Variants in CALD1 observed in about 807,000 individuals in gnomAD.
CALD1 encodes caldesmon.
In CALD1, 33 loss-of-function variants were observed where a neutral mutation model predicts 99.9. The ratio of observed to expected loss-of-function variants is 0.33; its 90% CI spans 0.25 to 0.44. The LOEUF is 0.44. Among genes scored for constraint, CALD1 ranks in the 20% least tolerant of loss-of-function variants. The probability of loss-of-function intolerance (pLI) is 1.00; values close to 1 mark genes in which losing one functional copy is unlikely to be tolerated. For missense variants in CALD1, 861 were observed against 962.1 expected, an observed-to-expected ratio of 0.89 and a Z score of 1.39; for synonymous variants, 310 against 325.0, an observed-to-expected ratio of 0.95 and a Z score of 0.50.
intron 3 of CALD1, among the ~76,000 whole-genome samples, chr7:134,872,568 A>G (rs1801148506): frequency 1.3e-5 from 2 of 152,156 alleles, no homozygotes; most frequent in African/African-American, 4.8e-5. Flanking sequence ...ACAAAATGCA[A>G]GATACTATAC....
At chr7:134,769,353 C>T (rs917993769) in intron 1 of CALD1, among the ~76,000 whole-genome samples, 6 of 152,140 alleles carry the variant, frequency 3.9e-5, no homozygotes, top group African/African-American at 1.4e-4. Flanking sequence ...AGTGAATGCA[C>T]CAATCTACTT....
chr7:134,933,351 A>G lies in CALD1; in HGVS notation c.582A>G (p.Glu194=). The G allele has an allele frequency of 6.2e-7, 1 of 1,605,334 alleles. No homozygotes were observed. The highest frequency in any genetic ancestry group is 1.1e-5 in the South Asian group (1 of 89,488). ...KKEDKEKEEE[E]EEKPKRGSIG... ...AAGACAAGGAAAAGGAGGAGGAGGA[A>G]GAGGAGAAGCCAAAGCGAGGGAGCA... Residue 194 remains glutamate (E), a synonymous_variant, in exon 5 of 15, where the codon GAA becomes GAG. Coordinates refer to ENST00000361675, the MANE Select transcript of CALD1 (RefSeq NM_033138.4).
At chr7:134,908,242 A>G (rs1803548610) in intron 3 of CALD1, among the ~76,000 whole-genome samples, 1 of 152,220 alleles carries the variant, frequency 6.6e-6, no homozygotes, top group Admixed American at 6.5e-5. Context: ...ATACCATTGG[A>G]TATATTTAAC....
intron 1 of CALD1, among the ~76,000 whole-genome samples, chr7:134,781,848 C>T (rs780928190): frequency 7.9e-5 from 12 of 152,196 alleles, no homozygotes; most frequent in Non-Finnish European, 1.5e-4. Flanking sequence ...GAACCAGGCT[C>T]AAACTGCAGT....
At chr7:134,726,365 T>C in the CALD1 span, among the ~76,000 whole-genome samples, 3 of 147,420 alleles carry the variant, frequency 2.0e-5, no homozygotes, top group African/African-American at 4.9e-5. Context: ...ATTATATGTA[T>C]ATAACTTAAT....
intron 9 of CALD1, among the ~76,000 whole-genome samples, chr7:134,957,560 C>T (rs1011193310): frequency 7.9e-5 from 12 of 152,244 alleles, no homozygotes; most frequent in African/African-American, 2.9e-4. Context: ...GCTGGGGCTA[C>T]AGGCGCGTGT....
intron 1 of CALD1, among the ~76,000 whole-genome samples, chr7:134,818,112 T>C (rs539288690): frequency 1.8e-4 from 28 of 152,194 alleles, no homozygotes; most frequent in Non-Finnish European, 3.2e-4. Flanking sequence ...GTTGCTATTT[T>C]TTTTCTTACA....
At chr7:134,942,859 A>G (rs1164016255) in intron 7 of CALD1, among the ~76,000 whole-genome samples, 1 of 152,234 alleles carries the variant, frequency 6.6e-6, no homozygotes, top group Non-Finnish European at 1.5e-5. Flanking sequence ...ACAAGCTTCA[A>G]AGCTCAAATT....
chr7:134,758,204 A>C (rs1417404312), intron 1 of CALD1, among the ~76,000 whole-genome samples: 1 of 152,254 alleles, frequency 6.6e-6, no homozygotes, highest in African/African-American at 2.4e-5. Flanking sequence ...GATGATGCAA[A>C]GCTAAAGTCA....
At chr7:134,955,866 C>T (rs1807723350) in intron 9 of CALD1, among the ~76,000 whole-genome samples, 2 of 152,132 alleles carry the variant, frequency 1.3e-5, no homozygotes, top group South Asian at 4.2e-4. Flanking sequence ...GTTTGGCTGA[C>T]AGGCTGGCAG....
At chr7:134,957,156 C>G (rs1220781693) in intron 9 of CALD1, among the ~76,000 whole-genome samples, 1 of 152,168 alleles carries the variant, frequency 6.6e-6, no homozygotes, top group Non-Finnish European at 1.5e-5. Context: ...CTCATTCTAC[C>G]TGTATCCCGC....
chr7:134,846,054 T>C (rs1799839622), intron 2 of CALD1, among the ~76,000 whole-genome samples: 1 of 152,228 alleles, frequency 6.6e-6, no homozygotes, highest in African/African-American at 2.4e-5. Flanking sequence ...ACTCCCCTGC[T>C]GCCTGCTCAG....
At chr7:134,844,336 G>A (rs1291900705) in intron 2 of CALD1, 1 of 152,104 alleles carries the variant, frequency 6.6e-6, no homozygotes, top group Non-Finnish European at 1.5e-5. Context: ...AGCCTTCCAA[G>A]GTGAATAAGC....
chr7:134,947,791 T>C, intron 8 of CALD1, 22 bp downstream of exon 8: 2 of 1,601,084 alleles, frequency 1.2e-6, no homozygotes, highest in Non-Finnish European at 1.7e-6. Flanking sequence ...GCTAGCCCAC[T>C]GAGAACGTTG....
chr7:134,712,196 A>T, the CALD1 span, among the ~76,000 whole-genome samples: 1 of 152,336 alleles, frequency 6.6e-6, no homozygotes, highest in South Asian at 2.1e-4. Flanking sequence ...AGCATACTCT[A>T]AAATCAAGCA....
intron 7 of CALD1, among the ~76,000 whole-genome samples, chr7:134,946,318 G>C (rs1389146017): frequency 6.6e-6 from 1 of 151,982 alleles, no homozygotes; most frequent in East Asian, 1.9e-4. Flanking sequence ...CTTAAAAATT[G>C]TGGTAAAAAC....
intron 1 of CALD1, among the ~76,000 whole-genome samples, chr7:134,765,899 G>A (rs987657582): frequency 6.6e-6 from 1 of 152,122 alleles, no homozygotes; most frequent in Non-Finnish European, 1.5e-5. Flanking sequence ...GCTGTCCTCA[G>A]GATAGTGAGT....
At chr7:134,724,178 G>T in the CALD1 span, among the ~76,000 whole-genome samples, 1 of 152,162 alleles carries the variant, frequency 6.6e-6, no homozygotes, top group South Asian at 2.1e-4. Context: ...GGCCAGCTTC[G>T]AGTTCCAGCC....
At chr7:134,882,218 G>A (rs1801638889) in intron 3 of CALD1, among the ~76,000 whole-genome samples, 1 of 152,164 alleles carries the variant, frequency 6.6e-6, no homozygotes, top group South Asian at 2.1e-4. Context: ...CACTCGTTGT[G>A]TCTTCTAAAC....
Sources: gnomAD v4.1 joint callset for allele counts (sites outside exome capture counted in the v4.1 genomes callset) on GRCh38, gnomAD v4.1.1 for gene constraint, MANE v1.5 for transcripts, NCBI Gene and HGNC (gene_info 2026-07-23, HGNC 2026-07-21) for gene names.